Variants in ZMYND8 observed in about 807,000 individuals in gnomAD.
The protein encoded by ZMYND8 is MYND-type zinc finger-containing chromatin reader ZMYND8.
Under a neutral mutation model 140.8 loss-of-function variants are expected in ZMYND8, and 37 were observed. The observed-to-expected ratio is 0.26, with a 90% confidence interval of 0.20 to 0.35. The LOEUF (loss-of-function observed/expected upper bound fraction) is 0.35. Among genes scored for constraint, ZMYND8 ranks in the 10% least tolerant of loss-of-function variants. The pLI is 1.00. For synonymous variants in ZMYND8, 592 were observed against 597.1 expected (o/e 0.99, Z 0.12); for missense variants, 1,068 against 1,570.0 (o/e 0.68, Z 5.40).
intron 2 of ZMYND8, among the ~76,000 whole-genome samples, chr20:47,334,975 G>C (rs1234030318): frequency 6.6e-6 from 1 of 152,006 alleles, no homozygotes; most frequent in African/African-American, 2.4e-5. Flanking sequence ...CCCAGGAGTG[G>C]TGGCTCACAC....
intron 17 of ZMYND8, among the ~76,000 whole-genome samples, chr20:47,229,129 A>G (rs963279878): frequency 1.3e-5 from 2 of 151,090 alleles, no homozygotes; most frequent in Non-Finnish European, 2.9e-5. Flanking sequence ...CTACAGGAAC[A>G]CACCACCATC....
rs554713610 is a variant in ZMYND8, at chr20:47,310,179, G to C, written c.111C>G (p.Ala37=). The C allele has an allele frequency of 6.2e-7, 1 of 1,610,392 alleles. No homozygotes were observed. The highest frequency in any genetic ancestry group is 1.1e-5 in the South Asian group (1 of 90,482). ...GAGGGCTGGGGAACTTTCTTTTCTG[G>C]GCTGTTCTCTCTGCAGAGCCAGGAT... ...SKDPGSAERT[A]QKRKFPSPPH... The change falls in exon 3 of 23, where the codon GCC becomes GCG. Residue 37 remains alanine, a synonymous_variant. Transcript: ENST00000471951.
At chr20:47,220,118 C>A in intron 21 of ZMYND8, 140 bp downstream of exon 21, 18 of 609,340 alleles carry the variant, frequency 3.0e-5, no homozygotes, top group East Asian at 1.4e-4. Context: ...CCCCCACTGA[C>A]CCACCCCAGG....
At chr20:47,216,403 G>A (rs760665487) in intron 21 of ZMYND8, among the ~76,000 whole-genome samples, 23 of 144,688 alleles carry the variant, frequency 1.6e-4, no homozygotes, top group African/African-American at 4.1e-4. Context: ...GCTGAGGCAG[G>A]AGAATCACCT....
chr20:47,230,019 C>T (rs2038245106), intron 16 of ZMYND8, among the ~76,000 whole-genome samples: 1 of 152,142 alleles, frequency 6.6e-6, no homozygotes, highest in African/African-American at 2.4e-5. Context: ...GGCAGGGACA[C>T]TGCTAAACTT....
intron 12 of ZMYND8, among the ~76,000 whole-genome samples, chr20:47,255,981 G>GAGGACTGCTTGAGGCC: frequency 6.6e-6 from 1 of 150,442 alleles, no homozygotes; most frequent in Middle Eastern, 3.4e-3. Context: ...GCTGAGGCAG[G>GAGGACTGCTTGAGGCC]AGAATCACCC....
chr20:47,314,159 T>C (rs1483002056), intron 2 of ZMYND8, among the ~76,000 whole-genome samples: 2 of 152,054 alleles, frequency 1.3e-5, no homozygotes, highest in Non-Finnish European at 1.5e-5. Flanking sequence ...TTCCACTCTA[T>C]ACCCTTGTGT....
intron 2 of ZMYND8, among the ~76,000 whole-genome samples, chr20:47,345,872 G>A (rs901784532): frequency 5.3e-5 from 8 of 151,896 alleles, no homozygotes; most frequent in African/African-American, 7.3e-5. Context: ...TGCCCAGGCT[G>A]GTTTCAAACT....
intron 16 of ZMYND8, among the ~76,000 whole-genome samples, chr20:47,233,564 G>T (rs2038831360): frequency 6.6e-6 from 1 of 152,164 alleles, no homozygotes; most frequent in African/African-American, 2.4e-5. Flanking sequence ...TGTGGACCAT[G>T]AACATTTGTG....
intron 21 of ZMYND8, among the ~76,000 whole-genome samples, chr20:47,214,829 C>T (rs189690254): frequency 2.0e-5 from 3 of 152,098 alleles, no homozygotes; most frequent in South Asian, 2.1e-4. Context: ...AGTGTAGCCC[C>T]GGGTGCACCT....
chr20:47,218,985 G>C (rs1374899201), intron 21 of ZMYND8, among the ~76,000 whole-genome samples: 1 of 151,808 alleles, frequency 6.6e-6, no homozygotes, highest in Non-Finnish European at 1.5e-5. Flanking sequence ...CGGAGGCAGA[G>C]GCGGGAGGAT....
At chr20:47,242,914 G>T (rs1445104315) in intron 14 of ZMYND8, among the ~76,000 whole-genome samples, 1 of 151,876 alleles carries the variant, frequency 6.6e-6, no homozygotes, top group Non-Finnish European at 1.5e-5. Context: ...TTTTTTAAAG[G>T]GTCAGCACCT....
intron 7 of ZMYND8, among the ~76,000 whole-genome samples, chr20:47,289,665 A>G (rs1421815370): frequency 6.6e-6 from 1 of 152,218 alleles, no homozygotes; most frequent in African/African-American, 2.4e-5. Context: ...CACATAACAC[A>G]GATGACTCCT....
chr20:47,247,648 C>T lies in ZMYND8; in HGVS notation c.1775-1131G>A, dbSNP rs375303194. Among the ~76,000 whole-genome samples, 28 of 152,346 alleles carry T rather than the reference C, an allele frequency of 1.8e-4. No homozygotes were observed. In the East Asian group the frequency reaches 4.6e-3, roughly 25 times the overall value. ...AAGAGGAAAGAAAACCCAATCAAGT[C>T]TGTGCAATCTCTTCATTCTAGAGCA... is the stretch of plus-strand genomic sequence containing the variant. On this transcript the variant is annotated intron_variant, in intron 13 of 22. Transcript: ENST00000471951.
intron 11 of ZMYND8, among the ~76,000 whole-genome samples, chr20:47,273,734 T>C (rs559093668): frequency 7.4e-4 from 112 of 152,214 alleles, no homozygotes; most frequent in Non-Finnish European, 1.5e-3. Context: ...CTAGGCTTAA[T>C]TGATCCTCCC....
chr20:47,294,803 A>G, intron 4 of ZMYND8, 24 bp from the exon 5 acceptor site: 1 of 1,595,802 alleles, frequency 6.3e-7, no homozygotes, highest in Non-Finnish European at 8.6e-7. Flanking sequence ...GTCATACATA[A>G]ACGTCCGGTT....
intron 3 of ZMYND8, among the ~76,000 whole-genome samples, chr20:47,307,268 T>C (rs1601778728): frequency 1.3e-5 from 2 of 151,490 alleles, no homozygotes; most frequent in East Asian, 3.9e-4. Flanking sequence ...CTGGCCAACA[T>C]GGCGAAACTC....
At position 47,239,777 on chromosome 20, in the gene ZMYND8, C is replaced by G. The variant is rs2039714317; in HGVS notation, c.2285-639G>C. ...CCCCAAGGCCAGAACCTTCCCCCAA[C>G]GCAATGGTACTGATCTAGGATTGAG... On this transcript the variant is annotated intron_variant, in intron 14 of 22. Coordinates refer to ENST00000471951, the MANE Select transcript of ZMYND8 (RefSeq NM_001281775.3). 2.6e-5 allele frequency among the ~76,000 whole-genome samples: 4 copies of G among 152,298 alleles called. No homozygotes were observed. In the South Asian group the frequency reaches 8.3e-4, roughly 32 times the overall value.
chr20:47,210,622 C>T lies in ZMYND8; in HGVS notation c.*139G>A, dbSNP rs751059090. ...GTCCTGTAGTGTAGCAGCCCCCGCGCCGGGGGCTCAGGCTCAACTGAGGGT... is the reference window on the plus strand; with the variant it reads ...GTCCTGTAGTGTAGCAGCCCCCGCGTCGGGGGCTCAGGCTCAACTGAGGGT... On this transcript the variant is annotated 3_prime_UTR_variant, in exon 23 of 23. Coordinates refer to ENST00000471951, the MANE Select transcript of ZMYND8 (RefSeq NM_001281775.3). The T allele has an allele frequency of 1.4e-5, 20 of 1,408,702 alleles. No homozygotes were observed. The African/African-American group carries it at 2.4e-4, about 17-fold the overall frequency. The allele number at this position is 1,408,702 out of a possible 1,614,324, so 87.3% of individuals were successfully genotyped here.
Sources: allele counts gnomAD v4.1 joint callset (sites outside exome capture counted in the v4.1 genomes callset), GRCh38; gene constraint gnomAD v4.1.1; transcripts MANE v1.5; gene names NCBI Gene and HGNC (gene_info 2026-07-23, HGNC 2026-07-21).